Variants in SLC25A22 observed in about 807,000 individuals in gnomAD.
SLC25A22 encodes solute carrier family 25 member 22, also known as mitochondrial glutamate carrier 1.
Under a neutral mutation model 33.7 loss-of-function variants are expected in SLC25A22, and 23 were observed. The observed-to-expected ratio is 0.68, with a 90% CI of 0.49 to 0.97. SLC25A22 has a LOEUF of 0.97. Among genes scored for constraint, SLC25A22 ranks in the 50% least tolerant of loss-of-function variants. The pLI, the probability that SLC25A22 is intolerant of heterozygous loss-of-function variation, is 0.00. For missense variants in SLC25A22, 390 were observed against 451.1 expected (o/e 0.86, Z 1.23); for synonymous variants, 245 against 203.8 (o/e 1.20, Z -1.72).
rs776997448 is a variant in SLC25A22, at chr11:791,805, C to G, written c.*110G>C. 1.4e-6 allele frequency: 2 copies of G among 1,425,766 alleles called. No homozygotes were observed. The highest frequency in any genetic ancestry group is 1.4e-5 in the South Asian group (1 of 70,644). The allele number at this position is 1,425,766 out of a possible 1,614,324, so 88.3% of individuals were successfully genotyped here. On this transcript the variant is annotated 3_prime_UTR_variant, in exon 10 of 10. Coordinates refer to ENST00000628067, the MANE Select transcript of SLC25A22 (RefSeq NM_001191061.2). ...GCACCCTGCCCCCTGCTGCCCCTGC[C>G]GACGGGAGGGCTGGGGAGGGGTCTT...
chr11:795,167 G>C lies in SLC25A22; in HGVS notation c.-161C>G, dbSNP rs1337399463. ...CCAGGCGTCAGCAACCGCCACTTCT[G>C]TCCTAGAAGGATGAGGGAATGGGAA... On this transcript the variant is annotated splice_region_variant and 5_prime_UTR_variant, in exon 2 of 10. Transcript: ENST00000628067. 4.7e-6 allele frequency: 4 copies of C among 843,966 alleles called. No homozygotes were observed. In the African/African-American group the frequency reaches 6.7e-5, roughly 14 times the overall value. The allele number at this position is 843,966 out of a possible 1,614,324, so 52.3% of individuals were successfully genotyped here.
rs1306955425 is a variant in SLC25A22 at position 795,051 on chromosome 11, G to A, written c.-45C>T. On this transcript the variant is annotated 5_prime_UTR_variant, in exon 2 of 10. Transcript: ENST00000628067. ...GTAGGAGCCGCAGAGGTGGACGCCA[G>A]GCCAGGCGGGGTGGAGGTGGAGGTG... The A allele has an allele frequency of 6.4e-7, 1 of 1,551,198 alleles. No individual in the cohort carries two copies. The highest frequency in any genetic ancestry group is 1.2e-5 in the South Asian group (1 of 84,108).
Position 795,380 on chromosome 11 carries a change from A to G in SLC25A22, c.-163-211T>C, listed in dbSNP as rs116665464. On this transcript the variant is annotated intron_variant, in intron 1 of 9. Coordinates refer to ENST00000628067, the MANE Select transcript of SLC25A22 (RefSeq NM_001191061.2). ...GCTTCCTTTCAGTCCCCCCCTCCCC[A>G]CCGCCAGCGTCTTCCCAGCCAGCCT... 41 of 185,912 alleles carry G rather than the reference A, an allele frequency of 2.2e-4. 5 individuals carry two copies. The highest frequency in any genetic ancestry group is 1.2e-3 in the South Asian group (24 of 19,710). 11.5% of individuals were successfully genotyped at this position (185,912 alleles called of 1,614,324 possible). A position where few individuals can be genotyped will look rare whatever the true frequency, so the allele number is the denominator to read the frequency against.
intron 4 of SLC25A22, 187 bp from the exon 5 acceptor site, chr11:793,806 C>T: frequency 1.6e-6 from 1 of 620,984 alleles, no homozygotes; most frequent in Non-Finnish European, 2.9e-6. Context: ...TGGGGCAGCA[C>T]CTCAGGCTCA....
rs1331444214 is a variant in SLC25A22 at position 792,869 on chromosome 11, C to A, written c.412+1G>T. On this transcript the variant is annotated splice_donor_variant, in intron 6 of 9. Transcript: ENST00000628067. LOFTEE classifies it high-confidence loss of function. The stretch of plus-strand genomic sequence containing the variant: ...TCTCCTCCCCCTCCCCCCGCCCTCA[C>A]CAATGCGCCCTGCATCCTGCAGCTG... 1.3e-6 allele frequency: 2 copies of A among 1,499,276 alleles called. No homozygotes were observed. Among genetic ancestry groups the A allele is most frequent in the Admixed American group, 1.7e-5 (1 of 58,856 alleles). The allele number at this position is 1,499,276 out of a possible 1,614,324, so 92.9% of individuals were successfully genotyped here. A position where few individuals can be genotyped will look rare whatever the true frequency, so the allele number is the denominator to read the frequency against.
rs17156064 is a variant in SLC25A22, at chr11:790,762, G to A, written c.*1153C>T. On this transcript the variant is annotated 3_prime_UTR_variant, in exon 10 of 10. Transcript: ENST00000628067. ...ACCAACACGATCACATGGCCAGGGC[G>A]GGGCAGGGAGAGCTTCGGCTCACAG... 0.045 allele frequency: 6,846 copies of A among 152,628 alleles called. 435 individuals carry two copies. Among genetic ancestry groups the A allele is most frequent in the East Asian group, 0.27 (1,425 of 5,182 alleles). 9.5% of individuals were successfully genotyped at this position (152,628 alleles called of 1,614,324 possible).
rs1252467992 is a variant in SLC25A22 at position 792,639 on chromosome 11, C to T, written c.501G>A (p.Arg167=). The T allele has an allele frequency of 1.3e-6, 2 of 1,587,706 alleles. No individual in the cohort carries two copies. The highest frequency in any genetic ancestry group is 8.6e-7 in the Non-Finnish European group (1 of 1,168,606). Residue 167 remains arginine (R), a synonymous_variant, in exon 7 of 10, where the codon CGG becomes CGA. Coordinates refer to ENST00000628067, the MANE Select transcript of SLC25A22 (RefSeq NM_001191061.2). ...CGCGGGTCAGCTGGGTGGCCGTGGG[C>T]CGAGGGGCAGCTGGAGCCTCCACTG... The part of the protein sequence containing the change: ...QPSVEAPAAP[R]PTATQLTRDL...
intron 1 of SLC25A22, 161 bp from the exon 2 acceptor site, chr11:795,330 C>T (rs1864750132): frequency 1.9e-6 from 1 of 519,592 alleles, no homozygotes; most frequent in Non-Finnish European, 3.5e-6. Context: ...CCACCCAGTC[C>T]CATGCTCACC....
intron 3 of SLC25A22, 76 bp from the exon 4 acceptor site, chr11:794,589 C>T (rs1366389535): frequency 6.4e-6 from 10 of 1,571,864 alleles, no homozygotes; most frequent in Non-Finnish European, 8.6e-6. Context: ...CTGTCTAGGG[C>T]TGATAGAAGA....
Position 790,901 on chromosome 11 carries a change from G to C in SLC25A22, c.*1014C>G, listed in dbSNP as rs1864482764. 1 of 152,366 alleles carries C rather than the reference G, an allele frequency of 6.6e-6. No homozygotes were observed. Among genetic ancestry groups the C allele is most frequent in the South Asian group, 2.1e-4 (1 of 4,846 alleles). The allele number at this position is 152,366 out of a possible 1,614,324, so 9.4% of individuals were successfully genotyped here. On this transcript the variant is annotated 3_prime_UTR_variant, in exon 10 of 10. Coordinates refer to ENST00000628067, the MANE Select transcript of SLC25A22 (RefSeq NM_001191061.2). ...AGTGTACCCAGGGGCCTTATGCAGA[G>C]GCTGAAAAAGGAGGGTGGGCCCTGA... is the stretch of plus-strand genomic sequence containing the variant.
At chr11:793,062 C>T (rs1047385611) in intron 5 of SLC25A22, 74 bp from the exon 6 acceptor site, 1 of 1,423,352 alleles carries the variant, frequency 7.0e-7, no homozygotes, top group Non-Finnish European at 9.7e-7. Context: ...GCCCACCATG[C>T]CTGGGCGCAG....
At chr11:793,463 C>T in intron 5 of SLC25A22, 66 bp downstream of exon 5, 1 of 1,516,834 alleles carries the variant, frequency 6.6e-7, no homozygotes, top group Non-Finnish European at 9.1e-7. Flanking sequence ...ACCCAGCTGG[C>T]AGGGTGGACC....
intron 5 of SLC25A22, 30 bp downstream of exon 5, chr11:793,499 C>T: frequency 6.2e-7 from 1 of 1,608,828 alleles, no homozygotes; most frequent in Non-Finnish European, 8.5e-7. Flanking sequence ...GCCAAAGACC[C>T]CTCGAGTGTC....
In SLC25A22 at chr11:797,477, A is replaced by ATATG. The variant is rs1241476129; in HGVS notation, c.-164+739_-164+740insCATA. On this transcript the variant is annotated intron_variant, in intron 1 of 9. Coordinates refer to ENST00000628067, the MANE Select transcript of SLC25A22 (RefSeq NM_001191061.2). ...TGAGCCGTCACTGTCCCCCCTTCATAGTCAGGTGAACTGAGGCCACAGGCA... is the reference window on the plus strand; with the variant it reads ...TGAGCCGTCACTGTCCCCCCTTCATATATGGTCAGGTGAACTGAGGCCACAGGCA... The ATATG allele has an allele frequency of 2.0e-5, 8 of 397,026 alleles. No homozygotes were observed. The Admixed American group carries it at 3.5e-4, about 18-fold the overall frequency. 24.6% of individuals were successfully genotyped at this position (397,026 alleles called of 1,614,324 possible). A position where few individuals can be genotyped will look rare whatever the true frequency, so the allele number is the denominator to read the frequency against.
chr11:794,846 C>T lies in SLC25A22; in HGVS notation c.76G>A (p.Val26Met), dbSNP rs759144900. ...GTCTTGGCCAGGTCGATGGGAAACACGCAGGTGACACCGATCAGCCCGGCG... is the reference window on the plus strand; with the variant it reads ...GTCTTGGCCAGGTCGATGGGAAACATGCAGGTGACACCGATCAGCCCGGCG... ...GIAGLIGVTC[V>M]FPIDLAKTRL... The change falls in exon 3 of 10, where the codon GTG (valine) becomes ATG (methionine). Residue 26 changes from valine to methionine, a missense_variant. By Grantham distance (21) the Val-to-Met change is conservative. Transcript: ENST00000628067. 5.1e-6 allele frequency: 8 copies of T among 1,583,578 alleles called. No homozygotes were observed. In the East Asian group the frequency reaches 1.1e-4, roughly 23 times the overall value.
intron 4 of SLC25A22, 104 bp from the exon 5 acceptor site, chr11:793,723 T>A: frequency 1.3e-6 from 1 of 795,670 alleles, no homozygotes; most frequent in Non-Finnish European, 2.1e-6. Flanking sequence ...TCCCAGTCAC[T>A]CCTGGCCACC....
intron 1 of SLC25A22, 85 bp from the exon 2 acceptor site, chr11:795,254 C>T (rs1864745535): frequency 1.6e-6 from 1 of 639,152 alleles, no homozygotes; most frequent in Non-Finnish European, 2.8e-6. Flanking sequence ...TCACGCAGCC[C>T]CTCACCCACC....
chr11:797,507 AG>A, intron 1 of SLC25A22: 1 of 397,552 alleles, frequency 2.5e-6, no homozygotes, highest in Non-Finnish European at 4.4e-6. Flanking sequence ...CAGGCAAGCC[AG>A]GGAGACAGCA....
rs765814353 is a variant in SLC25A22 at position 794,764 on chromosome 11, C to T, written c.146+12G>A. ...GCTGGGCCCACTCCCCGCGACCGCC[C>T]GGCACACTCACATGCTCGTGTACAC... On this transcript the variant is annotated intron_variant, in intron 3 of 9. Transcript: ENST00000628067. 42 of 1,596,848 alleles carry T rather than the reference C, an allele frequency of 2.6e-5. No homozygotes were observed. Among genetic ancestry groups the T allele is most frequent in the Admixed American group, 2.1e-4 (12 of 57,726 alleles).
Sources: gnomAD v4.1 joint callset for allele counts on GRCh38, gnomAD v4.1.1 for gene constraint, MANE v1.5 for transcripts, NCBI Gene and HGNC (gene_info 2026-07-23, HGNC 2026-07-21) for gene names.